BLTP1: variants seen among roughly 807,000 people sequenced by gnomAD.
BLTP1 encodes the protein bridge-like lipid transfer protein family member 1.
the BLTP1 span, chr4:122,286,804 T>A: frequency 2.5e-6 from 4 of 1,596,950 alleles, no homozygotes; most frequent in Non-Finnish European, 3.4e-6. Context: ...ACTTTAAAAT[T>A]TTCTTACTCT....
At chr4:122,322,836 G>A in the BLTP1 span, among the ~76,000 whole-genome samples, 1 of 152,052 alleles carries the variant, frequency 6.6e-6, no homozygotes, top group South Asian at 2.1e-4. Flanking sequence ...CACTGGTTAG[G>A]CTCTGGTTAG....
the BLTP1 span, among the ~76,000 whole-genome samples, chr4:122,232,484 G>A: frequency 3.3e-5 from 5 of 152,214 alleles, no homozygotes; most frequent in East Asian, 1.9e-4. Flanking sequence ...AGGGGATAAC[G>A]TAGTCCCAGC....
At chr4:122,163,997 A>T in the BLTP1 span, among the ~76,000 whole-genome samples, 1 of 152,172 alleles carries the variant, frequency 6.6e-6, no homozygotes, top group Non-Finnish European at 1.5e-5. Flanking sequence ...CATTGTAGGC[A>T]TTCCTCTTTC....
the BLTP1 span, among the ~76,000 whole-genome samples, chr4:122,204,088 T>C: frequency 2.6e-5 from 4 of 151,918 alleles, no homozygotes; most frequent in Non-Finnish European, 4.4e-5. Context: ...TTAAATATGA[T>C]CTCTGCCCTC....
chr4:122,288,956 T>A, the BLTP1 span: 50 of 1,088,544 alleles, frequency 4.6e-5, 1 homozygote, highest in Non-Finnish European at 2.6e-6. Context: ...TTTTAACTTT[T>A]CTTCAATATA....
the BLTP1 span, chr4:122,207,315 T>A: frequency 6.7e-7 from 1 of 1,489,506 alleles, no homozygotes; most frequent in South Asian, 1.2e-5. Context: ...TTAAGGCAAA[T>A]ACCAACTAAG....
the BLTP1 span, among the ~76,000 whole-genome samples, chr4:122,159,388 G>A: frequency 2.0e-5 from 3 of 151,946 alleles, no homozygotes; most frequent in Admixed American, 6.5e-5. Context: ...GCTTGGACCC[G>A]GGAGGCGGAG....
chr4:122,154,745 G>T, the BLTP1 span, among the ~76,000 whole-genome samples: 1 of 152,084 alleles, frequency 6.6e-6, no homozygotes, highest in African/African-American at 2.4e-5. Context: ...GGTGGCGGGT[G>T]CCTGTAGTCC....
At chr4:122,194,767 C>T in the BLTP1 span, 3 of 725,634 alleles carry the variant, frequency 4.1e-6, no homozygotes, top group East Asian at 1.3e-4. Context: ...TACACAAAAA[C>T]CCAAACTAAA....
the BLTP1 span, chr4:122,224,477 T>C: frequency 6.3e-6 from 10 of 1,598,672 alleles, no homozygotes; most frequent in African/African-American, 1.2e-4. Context: ...CATTTTACAG[T>C]CTCATCATTA....
At chr4:122,298,718 TAAG>T in the BLTP1 span, 1 of 423,634 alleles carries the variant, frequency 2.4e-6, no homozygotes, top group Non-Finnish European at 3.2e-6. Context: ...ATGAAGAAGT[TAAG>T]TAGTATAAAT....
chr4:122,255,328 G>A, the BLTP1 span: 7 of 1,325,860 alleles, frequency 5.3e-6, no homozygotes, highest in Non-Finnish European at 7.5e-6. Flanking sequence ...TCTCTATTCT[G>A]TTGGTGGACC....
At chr4:122,282,367 C>T in the BLTP1 span, among the ~76,000 whole-genome samples, 4 of 152,216 alleles carry the variant, frequency 2.6e-5, no homozygotes, top group East Asian at 1.9e-4. Flanking sequence ...TTTGGCCGGG[C>T]GCAGTGGCTC....
chr4:122,214,511 A>G, the BLTP1 span: 1 of 942,634 alleles, frequency 1.1e-6, no homozygotes. Context: ...ATTTGTGTAC[A>G]TTTATTAATC....
the BLTP1 span, chr4:122,300,034 C>T: frequency 7.2e-6 from 5 of 693,564 alleles, no homozygotes; most frequent in Admixed American, 1.3e-4. Context: ...GTTTTTGAGT[C>T]AGTCTCTGTC....
chr4:122,212,366 C>G, the BLTP1 span, among the ~76,000 whole-genome samples: 2 of 152,054 alleles, frequency 1.3e-5, no homozygotes, highest in Non-Finnish European at 2.9e-5. Context: ...AAATGTATGT[C>G]AAATATGTCT....
chr4:122,289,338 A>G, the BLTP1 span: 1 of 803,034 alleles, frequency 1.2e-6, no homozygotes, highest in African/African-American at 1.8e-5. Context: ...CATTCCTTTT[A>G]TGGCTTTTCC....
the BLTP1 span, chr4:122,263,033 G>T: frequency 6.4e-7 from 1 of 1,567,676 alleles, no homozygotes. Flanking sequence ...CGGGGGAATT[G>T]AGATGAAACA....
chr4:122,187,708 G>C, the BLTP1 span: 1 of 459,782 alleles, frequency 2.2e-6, no homozygotes, highest in Non-Finnish European at 2.9e-6. Context: ...ATTTCTTTAA[G>C]TACTTAAATT....
Sources: allele counts gnomAD v4.1 joint callset (sites outside exome capture counted in the v4.1 genomes callset), GRCh38; gene constraint gnomAD v4.1.1; transcripts MANE v1.5; gene names NCBI Gene and HGNC (gene_info 2026-07-23, HGNC 2026-07-21).